The following HS6ST3 variants were observed in gnomAD, a reference collection of about 807,000 sequenced individuals.
HS6ST3 encodes the protein heparan-sulfate 6-O-sulfotransferase 3.
Under a neutral mutation model 36.7 loss-of-function variants are expected in HS6ST3, and 12 were observed. The observed-to-expected ratio is 0.33, with a 90% confidence interval of 0.21 to 0.53. The LOEUF is 0.53. Ranked by LOEUF, HS6ST3 falls within the 20% of genes least tolerant of loss-of-function variation. HS6ST3 has a pLI of 0.95. For missense variants in HS6ST3, 584 were observed against 640.9 expected (o/e 0.91, Z 0.96); for synonymous variants, 240 against 257.5 (o/e 0.93, Z 0.65).
intron 1 of HS6ST3, among the ~76,000 whole-genome samples, chr13:96,485,064 T>C (rs1215153812): frequency 1.3e-5 from 2 of 152,168 alleles, no homozygotes; most frequent in African/African-American, 4.8e-5. Context: ...GTAGTTTTGA[T>C]CTGGGTCTTT....
At chr13:96,398,716 G>A (rs1022192440) in intron 1 of HS6ST3, among the ~76,000 whole-genome samples, 20 of 152,298 alleles carry the variant, frequency 1.3e-4, no homozygotes, top group African/African-American at 4.1e-4. Flanking sequence ...CACTACCCTC[G>A]AGCAAGAGGC....
At chr13:96,639,628 GTA>G (rs1420333307) in intron 1 of HS6ST3, among the ~76,000 whole-genome samples, 3 of 151,856 alleles carry the variant, frequency 2.0e-5, no homozygotes, top group African/African-American at 7.3e-5. Flanking sequence ...GAGGTTTGGG[GTA>G]TGATTGATCC....
chr13:96,122,844 C>T (rs750715547), intron 1 of HS6ST3, among the ~76,000 whole-genome samples: 15 of 152,052 alleles, frequency 9.9e-5, no homozygotes, highest in Non-Finnish European at 1.8e-4. Flanking sequence ...CTGCTCTATC[C>T]GAGAAATACA....
chr13:96,165,496 G>A (rs1305208324), intron 1 of HS6ST3, among the ~76,000 whole-genome samples: 2 of 152,216 alleles, frequency 1.3e-5, no homozygotes, highest in East Asian at 3.9e-4. Context: ...TACTGGTTAA[G>A]ACTGCTGGTT....
chr13:96,628,130 C>A (rs1425906730), intron 1 of HS6ST3, among the ~76,000 whole-genome samples: 2 of 151,596 alleles, frequency 1.3e-5, no homozygotes, highest in African/African-American at 4.8e-5. Context: ...CAGTTTTCAT[C>A]TTTTTAATGT....
At chr13:96,410,535 G>A (rs570959413) in intron 1 of HS6ST3, among the ~76,000 whole-genome samples, 1 of 152,052 alleles carries the variant, frequency 6.6e-6, no homozygotes, top group East Asian at 1.9e-4. Context: ...CTAATATACT[G>A]TTTATTTGTT....
intron 1 of HS6ST3, among the ~76,000 whole-genome samples, chr13:96,642,630 C>T (rs1037359265): frequency 6.6e-6 from 1 of 151,896 alleles, no homozygotes; most frequent in Non-Finnish European, 1.5e-5. Context: ...TATCTTCAAA[C>T]TGACTAATTT....
At chr13:96,815,996 A>C (rs903651203) in intron 1 of HS6ST3, among the ~76,000 whole-genome samples, 1 of 152,086 alleles carries the variant, frequency 6.6e-6, no homozygotes, top group African/African-American at 2.4e-5. Context: ...ATGGGAATTG[A>C]GCAGAAGGTC....
intron 1 of HS6ST3, among the ~76,000 whole-genome samples, chr13:96,617,488 A>C (rs1236344790): frequency 6.6e-6 from 1 of 152,180 alleles, no homozygotes; most frequent in Non-Finnish European, 1.5e-5. Context: ...CTTCCATCAT[A>C]ATCTTTCACT....
intron 1 of HS6ST3, among the ~76,000 whole-genome samples, chr13:96,231,499 C>A (rs2054508065): frequency 1.3e-5 from 2 of 151,988 alleles, no homozygotes; most frequent in African/African-American, 4.8e-5. Context: ...CTTACATGGC[C>A]AGAGCAGGAG....
At chr13:96,652,175 CAT>C (rs985240896) in intron 1 of HS6ST3, among the ~76,000 whole-genome samples, 1 of 151,896 alleles carries the variant, frequency 6.6e-6, no homozygotes, top group African/African-American at 2.4e-5. Flanking sequence ...ATATATCACA[CAT>C]ATATATAATA....
At chr13:96,500,953 T>C (rs937180055) in intron 1 of HS6ST3, among the ~76,000 whole-genome samples, 4 of 152,200 alleles carry the variant, frequency 2.6e-5, no homozygotes, top group African/African-American at 7.2e-5. Flanking sequence ...CAGATTACAA[T>C]TTATAATGCA....
intron 1 of HS6ST3, among the ~76,000 whole-genome samples, chr13:96,207,325 A>G (rs1377317099): frequency 6.6e-6 from 1 of 152,094 alleles, no homozygotes; most frequent in African/African-American, 2.4e-5. Flanking sequence ...TTAAGGTTGC[A>G]GAGAAAAAGG....
At chr13:96,692,426 A>G (rs1874990714) in intron 1 of HS6ST3, among the ~76,000 whole-genome samples, 1 of 152,158 alleles carries the variant, frequency 6.6e-6, no homozygotes, top group Non-Finnish European at 1.5e-5. Context: ...CTTTTTTTCC[A>G]GATATTTTGT....
chr13:96,264,404 C>A (rs1166085156), intron 1 of HS6ST3, among the ~76,000 whole-genome samples: 1 of 152,146 alleles, frequency 6.6e-6, no homozygotes, highest in Admixed American at 6.5e-5. Context: ...CCAACTTCTC[C>A]CTTGCTGCAG....
intron 1 of HS6ST3, among the ~76,000 whole-genome samples, chr13:96,593,174 CTTT>C (rs35380296): frequency 2.9e-3 from 133 of 46,588 alleles, no homozygotes; most frequent in African/African-American, 0.012. Flanking sequence ...TTCTTTCTTT[CTTT>C]TTTTTTTTTT....
At chr13:96,794,058 A>T (rs1877854135) in intron 1 of HS6ST3, among the ~76,000 whole-genome samples, 1 of 152,056 alleles carries the variant, frequency 6.6e-6, no homozygotes. Flanking sequence ...GGAAGAATGG[A>T]ATCATGGAGC....
chr13:96,647,525 A>G (rs2056593029), intron 1 of HS6ST3, among the ~76,000 whole-genome samples: 1 of 152,012 alleles, frequency 6.6e-6, no homozygotes, highest in South Asian at 2.1e-4. Flanking sequence ...ACCAAATGTC[A>G]CCTGGATTAA....
intron 1 of HS6ST3, among the ~76,000 whole-genome samples, chr13:96,822,132 A>C (rs1375452350): frequency 6.6e-6 from 1 of 152,136 alleles, no homozygotes; most frequent in Non-Finnish European, 1.5e-5. Flanking sequence ...TGAGTGTACT[A>C]TCTGGTGTTC....
Sources: gnomAD v4.1 joint callset for allele counts (sites outside exome capture counted in the v4.1 genomes callset) on GRCh38, gnomAD v4.1.1 for gene constraint, MANE v1.5 for transcripts, NCBI Gene and HGNC (gene_info 2026-07-23, HGNC 2026-07-21) for gene names.